Variants in SORCS1 observed in about 807,000 individuals in gnomAD.
SORCS1 encodes the protein sortilin related VPS10 domain containing receptor 1.
SORCS1 carries 60 observed loss-of-function variants against 146.1 expected under a neutral mutation model. That is an observed-to-expected ratio of 0.41 (90% CI 0.33 to 0.51). The LOEUF (loss-of-function observed/expected upper bound fraction) is 0.51, where lower values mean the gene tolerates loss of function less well. Ranked by LOEUF, SORCS1 falls within the 20% of genes least tolerant of loss-of-function variation. The pLI is 0.21. For missense variants in SORCS1, 1,352 were observed against 1,487.6 expected, an observed-to-expected ratio of 0.91 and a Z score of 1.50; for synonymous variants, 637 against 584.0, an observed-to-expected ratio of 1.09 and a Z score of -1.31.
At chr10:106,748,611 ATT>A (rs35988008) in intron 5 of SORCS1, among the ~76,000 whole-genome samples, 1 of 150,956 alleles carries the variant, frequency 6.6e-6, no homozygotes, top group East Asian at 1.9e-4. Flanking sequence ...AATTGGCAGC[ATT>A]TTTTTTTGCT....
intron 2 of SORCS1, among the ~76,000 whole-genome samples, chr10:106,837,942 C>G (rs574870503): frequency 1.3e-5 from 2 of 152,276 alleles, no homozygotes; most frequent in South Asian, 4.1e-4. Context: ...TTATCCCCAT[C>G]TGATAGATTT....
Position 106,895,949 on chromosome 10 carries a change from G to GTATA in SORCS1, c.626+60563_626+60564insTATA, listed in dbSNP as rs112254770. Among the ~76,000 whole-genome samples the GTATA allele has an allele frequency of 5.3e-3, 799 of 150,862 alleles. 9 individuals are homozygous for GTATA. The highest frequency in any genetic ancestry group is 0.018 in the African/African-American group (731 of 40,952). ...CACAAACATATATATATGTGTGTGT[G>GTATA]TGTATATATATATATGCCTACATAC... On this transcript the variant is annotated intron_variant, in intron 2 of 25. Coordinates refer to ENST00000263054, the MANE Select transcript of SORCS1 (RefSeq NM_052918.5).
chr10:106,731,965 G>A (rs1022243288), intron 5 of SORCS1, among the ~76,000 whole-genome samples: 5 of 152,006 alleles, frequency 3.3e-5, no homozygotes, highest in Non-Finnish European at 7.4e-5. Context: ...AAAGGTCTGC[G>A]GGTTTTCTGA....
At position 106,575,668 on chromosome 10, in the gene SORCS1, T is replaced by C. The variant is rs1224516889; in HGVS notation, c.*1752A>G. On this transcript the variant is annotated 3_prime_UTR_variant, in exon 26 of 26. Transcript: ENST00000263054. ...CTCTCCTCCTTTATACAGACTTAAA[T>C]CTTTACTTTAATGATACTATGATAC... 1 of 152,620 alleles carries C rather than the reference T, an allele frequency of 6.6e-6. No homozygotes were observed. Among genetic ancestry groups the C allele is most frequent in the Non-Finnish European group, 1.5e-5 (1 of 68,042 alleles). The allele number at this position is 152,620 out of a possible 1,614,324, so 9.5% of individuals were successfully genotyped here.
rs1421037260 is a variant in SORCS1, at chr10:106,576,988, G to A, written c.*432C>T. ...AAAAAAGAGAGAGAAGAAGAAAGAGGGAGAGGGGAGTGTTTTCCATTAAAA... is the reference window on the plus strand; with the variant it reads ...AAAAAAGAGAGAGAAGAAGAAAGAGAGAGAGGGGAGTGTTTTCCATTAAAA... On this transcript the variant is annotated 3_prime_UTR_variant, in exon 26 of 26. Coordinates refer to ENST00000263054, the MANE Select transcript of SORCS1 (RefSeq NM_052918.5). The A allele has an allele frequency of 3.8e-6, 1 of 264,852 alleles. No individual in the cohort carries two copies. Among genetic ancestry groups the A allele is most frequent in the Non-Finnish European group, 7.4e-6 (1 of 135,594 alleles). The allele number at this position is 264,852 out of a possible 1,614,324, so 16.4% of individuals were successfully genotyped here.
chr10:106,670,210 C>T (rs1851484150), intron 16 of SORCS1, among the ~76,000 whole-genome samples: 1 of 152,168 alleles, frequency 6.6e-6, no homozygotes, highest in Non-Finnish European at 1.5e-5. Context: ...ACCTACTTGT[C>T]CTCAATACTT....
chr10:107,085,978 T>G (rs548550179), intron 1 of SORCS1, among the ~76,000 whole-genome samples: 1 of 152,288 alleles, frequency 6.6e-6, no homozygotes, highest in Admixed American at 6.5e-5. Flanking sequence ...AAGAATGCAG[T>G]TGGATAAAGA....
intron 1 of SORCS1, among the ~76,000 whole-genome samples, chr10:106,965,176 T>C (rs983899615): frequency 6.6e-6 from 1 of 152,030 alleles, no homozygotes; most frequent in African/African-American, 2.4e-5. Context: ...AACACTTCTT[T>C]TCATCACCTG....
At chr10:106,804,960 T>C (rs4918255) in intron 3 of SORCS1, among the ~76,000 whole-genome samples, 44,038 of 152,036 alleles carry the variant, frequency 0.29, 6,556 homozygotes, top group Non-Finnish European at 0.31. Context: ...GACCATTCAC[T>C]GATGCCCTAA....
chr10:107,065,888 C>T (rs1961802609), intron 1 of SORCS1, among the ~76,000 whole-genome samples: 1 of 152,140 alleles, frequency 6.6e-6, no homozygotes, highest in Non-Finnish European at 1.5e-5. Flanking sequence ...ACTATAATTT[C>T]TCTCATTTTA....
chr10:106,652,781 T>C (rs1849973401), intron 17 of SORCS1, among the ~76,000 whole-genome samples: 1 of 152,210 alleles, frequency 6.6e-6, no homozygotes, highest in African/African-American at 2.4e-5. Flanking sequence ...TTTATTCATC[T>C]ATTAAATTAA....
At position 106,902,587 on chromosome 10, in the gene SORCS1, GAT is replaced by G. The variant is rs1301949326; in HGVS notation, c.626+53924_626+53925del. The stretch of plus-strand genomic sequence containing the variant: ...CTTATTTTAAATATTAATAAATCAA[GAT>G]AAAAGAAAATCACATGAAGAGATTC... On this transcript the variant is annotated intron_variant, in intron 2 of 25. Coordinates refer to ENST00000263054, the MANE Select transcript of SORCS1 (RefSeq NM_052918.5). 2.0e-5 allele frequency among the ~76,000 whole-genome samples: 3 copies of G among 152,210 alleles called. No individual in the cohort carries two copies. The East Asian group carries it at 5.8e-4, about 29-fold the overall frequency.
intron 4 of SORCS1, among the ~76,000 whole-genome samples, chr10:106,765,457 T>A (rs1432780507): frequency 6.6e-6 from 1 of 152,134 alleles, no homozygotes; most frequent in African/African-American, 2.4e-5. Context: ...CAGATAAAAA[T>A]ACACTTAATT....
intron 5 of SORCS1, among the ~76,000 whole-genome samples, chr10:106,740,492 T>C (rs758558312): frequency 3.3e-5 from 5 of 152,232 alleles, no homozygotes; most frequent in African/African-American, 4.8e-5. Flanking sequence ...AAAATCCCTG[T>C]ACCTTGTGAA....
At chr10:106,623,808 G>A (rs1847905123) in intron 19 of SORCS1, among the ~76,000 whole-genome samples, 1 of 152,212 alleles carries the variant, frequency 6.6e-6, no homozygotes, top group Admixed American at 6.5e-5. Flanking sequence ...TGGGATTACA[G>A]GGGCGTGCCA....
At chr10:106,709,576 G>A (rs1854816480) in intron 6 of SORCS1, among the ~76,000 whole-genome samples, 1 of 151,318 alleles carries the variant, frequency 6.6e-6, no homozygotes, top group South Asian at 2.1e-4. Context: ...AGCCTCCTGA[G>A]TAGCCGGGAC....
chr10:106,745,819 G>A (rs748358349), intron 5 of SORCS1, among the ~76,000 whole-genome samples: 40 of 152,126 alleles, frequency 2.6e-4, no homozygotes, highest in Non-Finnish European at 4.3e-4. Flanking sequence ...GAGAAACCTG[G>A]GAGACGCCCC....
chr10:106,868,561 A>G (rs1019063112), intron 2 of SORCS1, among the ~76,000 whole-genome samples: 6 of 152,254 alleles, frequency 3.9e-5, no homozygotes, highest in African/African-American at 1.2e-4. Flanking sequence ...ATGAAATTAC[A>G]TGGAAATTAT....
At chr10:106,867,745 T>C (rs541385101) in intron 2 of SORCS1, among the ~76,000 whole-genome samples, 33 of 152,252 alleles carry the variant, frequency 2.2e-4, no homozygotes, top group African/African-American at 7.7e-4. Flanking sequence ...TACCAGCTAA[T>C]AGAAAAACAC....
Sources: gnomAD v4.1 joint callset for allele counts (sites outside exome capture counted in the v4.1 genomes callset) on GRCh38, gnomAD v4.1.1 for gene constraint, MANE v1.5 for transcripts, NCBI Gene and HGNC (gene_info 2026-07-23, HGNC 2026-07-21) for gene names.